The following PAMR1 variants were observed in gnomAD, a reference collection of about 807,000 sequenced individuals.
PAMR1 encodes peptidase domain containing associated with muscle regeneration 1.
A neutral mutation model predicts 81.8 loss-of-function variants in PAMR1; 88 were observed. The observed-to-expected ratio is 1.08, with a 90% confidence interval of 0.91 to 1.28. The LOEUF is 1.28. Among genes scored for constraint, PAMR1 ranks in the 50% most tolerant of loss-of-function variants. PAMR1 has a pLI of 0.00. For synonymous variants in PAMR1, 336 were observed against 345.3 expected (o/e 0.97, Z 0.30); for missense variants, 935 against 919.7 (o/e 1.02, Z -0.21).
At chr11:35,451,181 T>C (rs1329873336) in intron 6 of PAMR1, among the ~76,000 whole-genome samples, 2 of 152,228 alleles carry the variant, frequency 1.3e-5, no homozygotes, top group Non-Finnish European at 2.9e-5. Context: ...TCCCACTCTG[T>C]TACTTTCCAA....
chr11:35,478,852 G>A (rs1458340022), intron 3 of PAMR1, among the ~76,000 whole-genome samples: 1 of 152,174 alleles, frequency 6.6e-6, no homozygotes, highest in Non-Finnish European at 1.5e-5. Flanking sequence ...GTGTGTGTGT[G>A]TGTGTCTGTG....
intron 3 of PAMR1, among the ~76,000 whole-genome samples, chr11:35,486,709 T>A (rs766350538): frequency 2.0e-5 from 3 of 152,212 alleles, no homozygotes; most frequent in African/African-American, 7.2e-5. Flanking sequence ...ATGCTCAGGA[T>A]TTCTGAATAT....
At chr11:35,504,700 T>C (rs1158628466) in intron 1 of PAMR1, among the ~76,000 whole-genome samples, 2 of 152,138 alleles carry the variant, frequency 1.3e-5, no homozygotes, top group Non-Finnish European at 2.9e-5. Context: ...AATAATTCTC[T>C]GTGTTTCTGT....
intron 6 of PAMR1, among the ~76,000 whole-genome samples, chr11:35,463,198 G>T (rs1295073731): frequency 6.6e-6 from 1 of 152,212 alleles, no homozygotes; most frequent in Non-Finnish European, 1.5e-5. Flanking sequence ...AAAGCATAAA[G>T]TGTGCCTCTC....
At chr11:35,455,205 T>C (rs1236085196) in intron 6 of PAMR1, among the ~76,000 whole-genome samples, 1 of 152,248 alleles carries the variant, frequency 6.6e-6, no homozygotes, top group Non-Finnish European at 1.5e-5. Flanking sequence ...GACATGATGA[T>C]AGTGATATCA....
intron 4 of PAMR1, among the ~76,000 whole-genome samples, chr11:35,473,083 G>C (rs752354482): frequency 3.3e-5 from 5 of 152,214 alleles, no homozygotes; most frequent in Non-Finnish European, 7.3e-5. Context: ...TGGTGACAGA[G>C]AGCTGTGGAT....
At chr11:35,505,305 G>T (rs1239793001) in intron 1 of PAMR1, among the ~76,000 whole-genome samples, 3 of 152,108 alleles carry the variant, frequency 2.0e-5, no homozygotes, top group Non-Finnish European at 1.5e-5. Context: ...TGAAAATAAT[G>T]TGTATTCTGT....
intron 1 of PAMR1, chr11:35,513,321 C>T (rs1851106756): frequency 6.6e-6 from 1 of 152,306 alleles, no homozygotes; most frequent in Non-Finnish European, 1.5e-5. Flanking sequence ...ACAATTAACA[C>T]TTCTATTTAT....
At chr11:35,447,969 C>T (rs957620315) in intron 6 of PAMR1, among the ~76,000 whole-genome samples, 1 of 152,160 alleles carries the variant, frequency 6.6e-6, no homozygotes, top group Non-Finnish European at 1.5e-5. Context: ...TGAATATTGG[C>T]CCCTAATCTC....
At chr11:35,453,087 C>T (rs1320853085) in intron 6 of PAMR1, among the ~76,000 whole-genome samples, 4 of 152,178 alleles carry the variant, frequency 2.6e-5, no homozygotes, top group Admixed American at 2.6e-4. Context: ...TACATAATGT[C>T]CCCAAGCCTT....
In PAMR1 at chr11:35,470,672, A is replaced by G; in HGVS notation, c.641T>C (p.Leu214Pro). 1 of 1,614,198 alleles carries G rather than the reference A, an allele frequency of 6.2e-7. No homozygotes were observed. The highest frequency in any genetic ancestry group is 8.5e-7 in the Non-Finnish European group (1 of 1,180,012). ...PAPIQSIGSSLHVLFHSDGSK... is the reference protein window; with the variant it reads ...PAPIQSIGSSPHVLFHSDGSK... ...GCCATCGGAGTGGAAGAGGACGTGG[A>G]GTGAGGATCCTATGCTCTGGATAGG... Residue 214 changes from leucine to proline, a missense_variant, in exon 5 of 11, where the codon CTC (leucine) becomes CCC (proline). Coordinates refer to ENST00000619888, the MANE Select transcript of PAMR1 (RefSeq NM_001001991.3).
chr11:35,499,084 T>A (rs1444070054), intron 1 of PAMR1, among the ~76,000 whole-genome samples: 1 of 152,228 alleles, frequency 6.6e-6, no homozygotes, highest in Non-Finnish European at 1.5e-5. Flanking sequence ...ATCTGTTGAA[T>A]GAATTCGGCC....
Position 35,478,744 on chromosome 11 carries a change from G to T in PAMR1, c.380-4000C>A, listed in dbSNP as rs595334. ...CAACCTAGCAGGTGGTCCTGAGTCT[G>T]AAAGACCAGAGCAGGCAAAGAGCCT... On this transcript the variant is annotated intron_variant, in intron 3 of 10. Coordinates refer to ENST00000619888, the MANE Select transcript of PAMR1 (RefSeq NM_001001991.3). 6.6e-3 allele frequency among the ~76,000 whole-genome samples: 1,012 copies of T among 152,342 alleles called. 9 individuals carry two copies. Among genetic ancestry groups the T allele is most frequent in the African/African-American group, 0.023 (960 of 41,594 alleles).
At chr11:35,491,613 C>T (rs920160884) in intron 3 of PAMR1, among the ~76,000 whole-genome samples, 5 of 152,182 alleles carry the variant, frequency 3.3e-5, no homozygotes, top group African/African-American at 7.2e-5. Context: ...TCTCTTTCCT[C>T]GGACAAAAGG....
intron 6 of PAMR1, among the ~76,000 whole-genome samples, chr11:35,463,482 T>A (rs1003049590): frequency 1.3e-5 from 2 of 152,206 alleles, no homozygotes; most frequent in Admixed American, 1.3e-4. Flanking sequence ...GGACGATGAA[T>A]CCCTTGCTCT....
At chr11:35,451,477 C>A (rs1462305435) in intron 6 of PAMR1, among the ~76,000 whole-genome samples, 15 of 152,170 alleles carry the variant, frequency 9.9e-5, no homozygotes, top group Non-Finnish European at 1.9e-4. Flanking sequence ...GTGTACTTTT[C>A]ATGTAGTATT....
At chr11:35,478,835 CGT>C (rs111660645) in intron 3 of PAMR1, among the ~76,000 whole-genome samples, 2,308 of 149,368 alleles carry the variant, frequency 0.015, 54 homozygotes, top group African/African-American at 0.052. Flanking sequence ...GGTGTGTGGG[CGT>C]GTGTGTGTGT....
chr11:35,432,676 CG>C lies in PAMR1; in HGVS notation c.1842del (p.Asn614LysfsTer28). On this transcript the variant is annotated frameshift_variant, in exon 11 of 11. Transcript: ENST00000619888. LOFTEE classifies it high-confidence loss of function. ...LADVRSPGFK[N>X]DTLRSGVVSV... The stretch of plus-strand genomic sequence containing the variant: ...CTGACCACCCCAGAGCGCAGTGTGT[CG>C]TTCTTGAAGCCAGGGCTCCTCACGT... The C allele has an allele frequency of 6.2e-7, 1 of 1,613,366 alleles. No homozygotes were observed. The highest frequency in any genetic ancestry group is 8.5e-7 in the Non-Finnish European group (1 of 1,179,388).
In PAMR1 at chr11:35,488,352, A is replaced by G. The variant is rs141131683; in HGVS notation, c.379+3693T>C. ...TCCCTCCTCAGTCTCTTGAGTAGCCAGAACTACAGGCATGCACCACCATGC... is the reference window on the plus strand; with the variant it reads ...TCCCTCCTCAGTCTCTTGAGTAGCCGGAACTACAGGCATGCACCACCATGC... On this transcript the variant is annotated intron_variant, in intron 3 of 10. Transcript: ENST00000619888. Among the ~76,000 whole-genome samples the G allele has an allele frequency of 5.2e-4, 79 of 152,040 alleles. No individual in the cohort carries two copies. The Middle Eastern group carries it at 0.014, about 26-fold the overall frequency.
Sources: gnomAD v4.1 joint callset for allele counts (sites outside exome capture counted in the v4.1 genomes callset) on GRCh38, gnomAD v4.1.1 for gene constraint, MANE v1.5 for transcripts, NCBI Gene and HGNC (gene_info 2026-07-23, HGNC 2026-07-21) for gene names.